GNG2: variants seen among roughly 807,000 people sequenced by gnomAD.
GNG2 encodes the protein G protein subunit gamma 2, also known as guanine nucleotide-binding protein G(I)/G(S)/G(O) subunit gamma-2.
In GNG2, 5 loss-of-function variants were observed where a neutral mutation model predicts 5.5. That is an observed-to-expected ratio of 0.91 (90% CI 0.48 to 1.92). The LOEUF is 1.92. GNG2 is among the 30% of genes most tolerant of loss of function. The probability of loss-of-function intolerance (pLI) is 0.01; values close to 1 mark genes in which losing one functional copy is unlikely to be tolerated. For synonymous variants in GNG2, 28 were observed against 32.0 expected (o/e 0.88, Z 0.42); for missense variants, 55 against 88.4 (o/e 0.62, Z 1.52).
intron 2 of GNG2, among the ~76,000 whole-genome samples, chr14:51,905,640 G>C (rs1430163777): frequency 3.9e-5 from 6 of 152,166 alleles, no homozygotes; most frequent in African/African-American, 1.4e-4. Flanking sequence ...CAACAGAGGG[G>C]ATATTCTTTG....
chr14:51,878,254 C>CA (rs1342376897), intron 2 of GNG2, among the ~76,000 whole-genome samples: 1 of 152,190 alleles, frequency 6.6e-6, no homozygotes, highest in African/African-American at 2.4e-5. Context: ...CCAAGATACA[C>CA]AGTTTTCTCT....
chr14:51,844,513 C>G (rs1223329762), intron 2 of GNG2, among the ~76,000 whole-genome samples: 1 of 150,416 alleles, frequency 6.6e-6, no homozygotes, highest in Non-Finnish European at 1.5e-5. Context: ...GTTGACAGCC[C>G]TGTGTGTGTG....
chr14:51,945,408 T>G (rs181137668), intron 2 of GNG2, among the ~76,000 whole-genome samples: 1 of 152,210 alleles, frequency 6.6e-6, no homozygotes, highest in East Asian at 1.9e-4. Context: ...AGAGACATTA[T>G]GCTAAGTGAA....
intron 2 of GNG2, among the ~76,000 whole-genome samples, chr14:51,881,724 T>TTTA (rs1555351101): frequency 7.0e-6 from 1 of 143,266 alleles, no homozygotes; most frequent in Non-Finnish European, 1.5e-5. Context: ...TTTTTTTTTT[T>TTTA]AACGTATTTA....
In GNG2 at chr14:51,827,602, G is replaced by A. The variant is rs1566636995; in HGVS notation, c.-76-66G>A. ...AACTAGCTCAGCTTTGAGACTTGAG[G>A]TCAAATAATTAAAGCTGTGATTAGT... On this transcript the variant is annotated intron_variant, in intron 1 of 3. Transcript: ENST00000553432. The A allele has an allele frequency of 3.3e-5, 22 of 663,426 alleles. 1 individual carries two copies. In the South Asian group the frequency reaches 3.6e-4, roughly 11 times the overall value. The allele number at this position is 663,426 out of a possible 1,614,324, so 41.1% of individuals were successfully genotyped here.
chr14:51,912,591 C>G (rs977021530), intron 2 of GNG2, among the ~76,000 whole-genome samples: 14 of 152,170 alleles, frequency 9.2e-5, no homozygotes, highest in African/African-American at 3.4e-4. Context: ...TGCTGGGCTT[C>G]TTCAGACAAA....
intron 1 of GNG2, among the ~76,000 whole-genome samples, chr14:51,875,138 G>A (rs35135442): frequency 0.13 from 19,355 of 152,186 alleles, 2,487 homozygotes; most frequent in African/African-American, 0.33. Flanking sequence ...GTAACAATCC[G>A]GACGTGGATG....
intron 2 of GNG2, among the ~76,000 whole-genome samples, chr14:51,946,266 A>G (rs1032616661): frequency 1.1e-4 from 16 of 152,212 alleles, no homozygotes; most frequent in Non-Finnish European, 1.2e-4. Flanking sequence ...AAGATTGTCT[A>G]TTGTGGACCA....
intron 2 of GNG2, among the ~76,000 whole-genome samples, chr14:51,898,579 GAACA>G (rs777019745): frequency 4.6e-5 from 7 of 152,268 alleles, no homozygotes; most frequent in Admixed American, 6.5e-5. Context: ...AAGCCCAATG[GAACA>G]AACAAACAGC....
chr14:51,879,603 C>A (rs1008138830), intron 2 of GNG2, among the ~76,000 whole-genome samples: 2 of 152,194 alleles, frequency 1.3e-5, no homozygotes, highest in Admixed American at 6.5e-5. Context: ...TCTGAAGGCT[C>A]TCTGGGTTGG....
At chr14:51,875,718 CAT>C (rs1041289112) in intron 1 of GNG2, among the ~76,000 whole-genome samples, 33 of 150,232 alleles carry the variant, frequency 2.2e-4, no homozygotes, top group Admixed American at 5.3e-4. Context: ...TTAGAAAAAA[CAT>C]ATGTAAATAT....
At position 51,946,809 on chromosome 14, in the gene GNG2, C is replaced by T. The variant is rs1280907692; in HGVS notation, c.-29-3841C>T. 5.3e-5 allele frequency among the ~76,000 whole-genome samples: 8 copies of T among 152,164 alleles called. No individual in the cohort carries two copies. The East Asian group carries it at 1.5e-3, about 29-fold the overall frequency. On this transcript the variant is annotated intron_variant, in intron 2 of 3. Coordinates refer to ENST00000556766, the MANE Select transcript of GNG2 (RefSeq NM_053064.5). Reference sequence around the variant, plus strand: ...ATTTTACATGAATCTCACCCTTCACCCAAATGCCACTGTCACCTCTTAGGA... The same window carrying T: ...ATTTTACATGAATCTCACCCTTCACTCAAATGCCACTGTCACCTCTTAGGA...
At chr14:51,964,508 T>C (rs1023454691) in intron 3 of GNG2, among the ~76,000 whole-genome samples, 1 of 152,158 alleles carries the variant, frequency 6.6e-6, no homozygotes, top group African/African-American at 2.4e-5. Flanking sequence ...TTCTCACTCC[T>C]ACCATATGTC....
intron 2 of GNG2, among the ~76,000 whole-genome samples, chr14:51,880,977 A>AAC (rs1555351033): frequency 3.3e-4 from 50 of 150,516 alleles, no homozygotes; most frequent in Middle Eastern, 3.4e-3. Flanking sequence ...GAAAAAAAAA[A>AAC]AAAAAAAAAA....
intron 2 of GNG2, among the ~76,000 whole-genome samples, chr14:51,832,445 G>A (rs1252466549): frequency 1.3e-5 from 2 of 152,130 alleles, no homozygotes; most frequent in African/African-American, 4.8e-5. Context: ...TGCTATCTTT[G>A]GGGTTATCTT....
At chr14:51,908,526 A>AGATC (rs1311697897) in intron 2 of GNG2, among the ~76,000 whole-genome samples, 24 of 76,100 alleles carry the variant, frequency 3.2e-4, no homozygotes, top group African/African-American at 9.6e-4. Flanking sequence ...CATATTTTAA[A>AGATC]GATCTATCTA....
At chr14:51,959,684 G>T (rs1889476956) in intron 3 of GNG2, among the ~76,000 whole-genome samples, 2 of 151,538 alleles carry the variant, frequency 1.3e-5, no homozygotes, top group African/African-American at 2.4e-5. Flanking sequence ...AAGTCAATGG[G>T]TCACCATTTA....
intron 2 of GNG2, among the ~76,000 whole-genome samples, chr14:51,943,632 A>G (rs1888472533): frequency 6.6e-6 from 1 of 152,374 alleles, no homozygotes; most frequent in African/African-American, 2.4e-5. Flanking sequence ...AGTAAGAATC[A>G]GTGAATGTAG....
At chr14:51,894,691 T>G (rs1180461036) in intron 2 of GNG2, among the ~76,000 whole-genome samples, 3 of 152,144 alleles carry the variant, frequency 2.0e-5, no homozygotes, top group African/African-American at 7.2e-5. Context: ...GAGGCTCATT[T>G]GAAGATAAAA....
Sources: gnomAD v4.1 joint callset for allele counts (sites outside exome capture counted in the v4.1 genomes callset) on GRCh38, gnomAD v4.1.1 for gene constraint, MANE v1.5 for transcripts, NCBI Gene and HGNC (gene_info 2026-07-23, HGNC 2026-07-21) for gene names.